The following GH1 variants were observed in gnomAD, a reference collection of about 807,000 sequenced individuals.
GH1 encodes the protein growth hormone 1, also known as somatotropin.
In GH1, 13 loss-of-function variants were observed where a neutral mutation model predicts 24.5. That is an observed-to-expected ratio of 0.53 (90% CI 0.35 to 0.85). The LOEUF (loss-of-function observed/expected upper bound fraction) is 0.85. Ranked by LOEUF, GH1 falls within the 40% of genes least tolerant of loss-of-function variation. GH1 has a pLI of 0.01. For synonymous variants in GH1, 126 were observed against 116.3 expected (o/e 1.08, Z -0.54); for missense variants, 294 against 273.2 (o/e 1.08, Z -0.54).
rs1907401940 is a variant in GH1 at position 63,917,490 on chromosome 17, C to T, written c.473G>A (p.Ser158Asn). 2.5e-6 allele frequency: 4 copies of T among 1,614,002 alleles called. No individual in the cohort carries two copies. In the Admixed American group the frequency reaches 6.7e-5, roughly 27 times the overall value. ...QTLMGRLEDG[S>N]PRTGQIFKQT... Reference sequence around the variant, plus strand: ...CTTGAAGATCTGCCCAGTCCGGGGGCTGCCATCTTCCAGCCTCTGCAAAGT... The same window carrying T: ...CTTGAAGATCTGCCCAGTCCGGGGGTTGCCATCTTCCAGCCTCTGCAAAGT... Residue 158 changes from serine (S) to asparagine (N), a missense_variant, in exon 5 of 5, where the codon AGC (serine) becomes AAC (asparagine). Coordinates refer to ENST00000323322, the MANE Select transcript of GH1 (RefSeq NM_000515.5).
chr17:63,918,252 C>A (rs1907491135), intron 2 of GH1, 94 bp downstream of exon 2: 3 of 1,610,984 alleles, frequency 1.9e-6, no homozygotes, highest in African/African-American at 1.3e-5. Flanking sequence ...CGGGAAAAAC[C>A]CTGAGCTCCT....
In GH1 at chr17:63,917,959, C is replaced by T. The variant is rs753904435; in HGVS notation, c.292-35G>A. ...AAGGACGGGCATTGGCTGTGCTGCC[C>T]GGGGGCTCTGACTACAGGTCTCCCC... On this transcript the variant is annotated intron_variant, in intron 3 of 4. Transcript: ENST00000323322. 63 of 1,614,028 alleles carry T rather than the reference C, an allele frequency of 3.9e-5. No individual in the cohort carries two copies. In the South Asian group the frequency reaches 5.2e-4, roughly 13 times the overall value.
chr17:63,918,065 T>G lies in GH1; in HGVS notation c.243A>C (p.Ser81=), dbSNP rs1907472975. 3.7e-6 allele frequency: 6 copies of G among 1,614,040 alleles called. No individual in the cohort carries two copies. Among genetic ancestry groups the G allele is most frequent in the Non-Finnish European group, 4.2e-6 (5 of 1,179,882 alleles). ...TGTTGGAGGGTGTCGGAATAGACTC[T>G]GAGAAACAGAGGGAGGTCTGGGGGT... ...LQNPQTSLCF[S]ESIPTPSNRE... is the part of the protein sequence containing the mutation. The change falls in exon 3 of 5, where the codon TCA becomes TCC. Residue 81 remains serine (S), a synonymous_variant. Transcript: ENST00000323322.
chr17:63,918,287 CG>C lies in GH1; in HGVS notation c.171+58del, dbSNP rs1473003428. 5 of 1,610,488 alleles carry C rather than the reference CG, an allele frequency of 3.1e-6. No individual in the cohort carries two copies. In the Admixed American group the frequency reaches 6.7e-5, roughly 21 times the overall value. ...TTAGTCTCCTCCTCTTATTTCCCAGCGGGGGAAAGTCACCCCTTCCTGCCAC... is the reference window on the plus strand; with the variant it reads ...TTAGTCTCCTCCTCTTATTTCCCAGCGGGGAAAGTCACCCCTTCCTGCCAC... On this transcript the variant is annotated intron_variant, in intron 2 of 4. Transcript: ENST00000323322.
In GH1 at chr17:63,918,403, G is replaced by A. The variant is rs745988896; in HGVS notation, c.114C>T (p.Asn38=). The A allele has an allele frequency of 2.7e-5, 43 of 1,614,188 alleles. No individual in the cohort carries two copies. Among genetic ancestry groups the A allele is most frequent in the South Asian group, 2.0e-4 (18 of 91,080 alleles). The change falls in exon 2 of 5, where the codon AAC becomes AAT. Residue 38 remains asparagine, a synonymous_variant. Coordinates refer to ENST00000323322, the MANE Select transcript of GH1 (RefSeq NM_000515.5). The part of the protein sequence containing the change: ...PTIPLSRLFD[N]AMLRAHRLHQ... ...GCAGACGATGGGCGCGGAGCATAGC[G>A]TTGTCAAAAAGCCTGGATAAGGGAA...
intron 1 of GH1, 119 bp from the exon 2 acceptor site, chr17:63,918,625 GATTGGCCAA>G (rs1161826704): frequency 1.2e-6 from 2 of 1,609,700 alleles, no homozygotes; most frequent in East Asian, 4.5e-5. Context: ...AGCTTTCTGA[GATTGGCCAA>G]ATACTGGGCT....
rs761010486 is a variant in GH1, at chr17:63,917,303, G to A, written c.*6C>T. The A allele has an allele frequency of 5.6e-6, 9 of 1,613,898 alleles. No individual in the cohort carries two copies. Among genetic ancestry groups the A allele is most frequent in the African/African-American group, 4.0e-5 (3 of 74,900 alleles). On this transcript the variant is annotated 3_prime_UTR_variant, in exon 5 of 5. Coordinates refer to ENST00000323322, the MANE Select transcript of GH1 (RefSeq NM_000515.5). ...GGGAGGGGTCACAGGGATGCCACCCGGGCAGCTAGAAGCCACAGCTGCCCT... is the reference window on the plus strand; with the variant it reads ...GGGAGGGGTCACAGGGATGCCACCCAGGCAGCTAGAAGCCACAGCTGCCCT...
rs61762496 is a variant in GH1 at position 63,918,496 on chromosome 17, C to G, written c.21G>C (p.Thr7=). 5.1e-5 allele frequency: 83 copies of G among 1,613,988 alleles called. No homozygotes were observed. Among genetic ancestry groups the G allele is most frequent in the Non-Finnish European group, 6.4e-5 (76 of 1,180,020 alleles). Residue 7 remains threonine, a synonymous_variant, in exon 2 of 5, where the codon ACG becomes ACC. Coordinates refer to ENST00000323322, the MANE Select transcript of GH1 (RefSeq NM_000515.5). ...GCAGGCCAAAAGCCAGGAGCAGGGA[C>G]GTCCGGGAGCCTGGGGAGAAACCAG... MATGSR[T]SLLLAFGLLC...
chr17:63,917,404 C>G lies in GH1; in HGVS notation c.559G>C (p.Gly187Arg). 1.2e-6 allele frequency: 2 copies of G among 1,613,902 alleles called. No homozygotes were observed. The highest frequency in any genetic ancestry group is 1.7e-6 in the Non-Finnish European group (2 of 1,179,866). ...TCCTTCCTGAAGCAGTAGAGCAGCC[C>G]GTAGTTCTTGAGTAGTGCGTCATCG... Reference protein sequence around the residue: ...HNDDALLKNYGLLYCFRKDMD... With the variant: ...HNDDALLKNYRLLYCFRKDMD... Residue 187 changes from glycine to arginine, a missense_variant, in exon 5 of 5, where the codon GGG (glycine) becomes CGG (arginine). Physicochemically the swap from Gly to Arg is moderately radical, Grantham distance 125. Coordinates refer to ENST00000323322, the MANE Select transcript of GH1 (RefSeq NM_000515.5).
intron 1 of GH1, 100 bp downstream of exon 1, chr17:63,918,667 G>T (rs113683469): frequency 1.5e-4 from 243 of 1,611,408 alleles, no homozygotes; most frequent in Middle Eastern, 1.5e-3. Context: ...CTCACATTCA[G>T]AAGCCCCAAA....
In GH1 at chr17:63,917,991, C is replaced by T. The variant is rs202020201; in HGVS notation, c.291+26G>A. 5.4e-4 allele frequency: 878 copies of T among 1,614,214 alleles called. 1 individual carries two copies. Among genetic ancestry groups the T allele is most frequent in the Non-Finnish European group, 7.0e-4 (825 of 1,180,028 alleles). ...TCTGACTACAGGTCTCCCCCATCCC[C>T]GCCTGGGGAGAAGGCATCCACTCAC... On this transcript the variant is annotated intron_variant, in intron 3 of 4. Transcript: ENST00000323322.
In GH1 at chr17:63,918,500, C is replaced by G. The variant is rs376469157; in HGVS notation, c.17G>C (p.Arg6Pro). MATGS[R>P]TSLLLAFGLL... ...GCCAAAAGCCAGGAGCAGGGACGTCCGGGAGCCTGGGGAGAAACCAGAGGG... is the reference window on the plus strand; with the variant it reads ...GCCAAAAGCCAGGAGCAGGGACGTCGGGGAGCCTGGGGAGAAACCAGAGGG... The change falls in exon 2 of 5, where the codon CGG (arginine) becomes CCG (proline). Residue 6 changes from arginine (R) to proline (P), a missense_variant. Transcript: ENST00000323322. 1.9e-6 allele frequency: 3 copies of G among 1,613,830 alleles called. No individual in the cohort carries two copies. Among genetic ancestry groups the G allele is most frequent in the African/African-American group, 1.3e-5 (1 of 74,882 alleles).
intron 4 of GH1, 34 bp downstream of exon 4, chr17:63,917,726 C>G (rs752192734): frequency 1.2e-6 from 2 of 1,614,064 alleles, no homozygotes; most frequent in African/African-American, 2.7e-5. Flanking sequence ...GTCAGTGGGG[C>G]TCCAGGATTG....
In GH1 at chr17:63,917,348, G is replaced by C. The variant is rs148474991; in HGVS notation, c.615C>G (p.Ile205Met). The C allele has an allele frequency of 5.1e-4, 826 of 1,614,012 alleles. 6 individuals carry two copies. Among genetic ancestry groups the C allele is most frequent in the African/African-American group, 9.7e-4 (73 of 75,044 alleles). The change falls in exon 5 of 5, where the codon ATC becomes ATG. Residue 205 changes from isoleucine (I) to methionine (M), a missense_variant. Physicochemically the swap from Ile to Met is conservative, Grantham distance 10. Transcript: ENST00000323322. ...TGCCCTCCACAGAGCGGCACTGCAC[G>C]ATGCGCAGGAATGTCTCGACCTTGT... Reference protein sequence around the residue: ...DMDKVETFLRIVQCRSVEGSC... With the variant: ...DMDKVETFLRMVQCRSVEGSC...
intron 1 of GH1, 97 bp from the exon 2 acceptor site, chr17:63,918,603 C>T: frequency 1.2e-6 from 2 of 1,610,384 alleles, no homozygotes; most frequent in Non-Finnish European, 8.5e-7. Flanking sequence ...CTCCATCCCT[C>T]CAGGGACCAG....
chr17:63,917,302 C>G lies in GH1; in HGVS notation c.*7G>C, dbSNP rs775193583. On this transcript the variant is annotated 3_prime_UTR_variant, in exon 5 of 5. Transcript: ENST00000323322. ...GGGGAGGGGTCACAGGGATGCCACC[C>G]GGGCAGCTAGAAGCCACAGCTGCCC... 1.9e-6 allele frequency: 3 copies of G among 1,613,938 alleles called. No individual in the cohort carries two copies. Among genetic ancestry groups the G allele is most frequent in the Non-Finnish European group, 2.5e-6 (3 of 1,179,852 alleles).
chr17:63,918,057 A>G lies in GH1; in HGVS notation c.251T>C (p.Ile84Thr), dbSNP rs1167460567. The G allele has an allele frequency of 4.3e-6, 7 of 1,614,022 alleles. No individual in the cohort carries two copies. In the Admixed American group the frequency reaches 1.2e-4, roughly 27 times the overall value. The change falls in exon 3 of 5, where the codon ATT becomes ACT. Residue 84 changes from isoleucine to threonine, a missense_variant. By Grantham distance (89) the Ile-to-Thr change is moderately conservative. Coordinates refer to ENST00000323322, the MANE Select transcript of GH1 (RefSeq NM_000515.5). Reference protein sequence around the residue: ...PQTSLCFSESIPTPSNREETQ... With the variant: ...PQTSLCFSESTPTPSNREETQ... ...TTCCTCCCTGTTGGAGGGTGTCGGA[A>G]TAGACTCTGAGAAACAGAGGGAGGT...
In GH1 at chr17:63,917,939, C is replaced by G; in HGVS notation, c.292-15G>C. 6.2e-7 allele frequency: 1 copy of G among 1,614,144 alleles called. No individual in the cohort carries two copies. Among genetic ancestry groups the G allele is most frequent in the South Asian group, 1.1e-5 (1 of 91,070 alleles). On this transcript the variant is annotated splice_polypyrimidine_tract_variant and intron_variant, in intron 3 of 4. Transcript: ENST00000323322. ...AGCTCTAGGTTCTGCAGGGGAAGGACGGGCATTGGCTGTGCTGCCCGGGGG... is the reference window on the plus strand; with the variant it reads ...AGCTCTAGGTTCTGCAGGGGAAGGAGGGGCATTGGCTGTGCTGCCCGGGGG...
intron 2 of GH1, 30 bp downstream of exon 2, chr17:63,918,316 C>G (rs371052739): frequency 6.2e-7 from 1 of 1,613,942 alleles, no homozygotes; most frequent in South Asian, 1.1e-5. Flanking sequence ...CCTGCCACCC[C>G]TGATGCGCAC....
Sources: gnomAD v4.1 joint callset for allele counts on GRCh38, gnomAD v4.1.1 for gene constraint, MANE v1.5 for transcripts, NCBI Gene and HGNC (gene_info 2026-07-23, HGNC 2026-07-21) for gene names.